Variants in CFAP54 observed in about 807,000 individuals in gnomAD.
The protein encoded by CFAP54 is cilia and flagella associated protein 54.
A neutral mutation model predicts 370.4 loss-of-function variants in CFAP54; 290 were observed. The ratio of observed to expected loss-of-function variants is 0.78; its 90% CI spans 0.71 to 0.86. The LOEUF (loss-of-function observed/expected upper bound fraction) is 0.86. CFAP54 is among the 40% of genes least tolerant of loss of function. The pLI, the probability that CFAP54 is intolerant of heterozygous loss-of-function variation, is 0.00. For synonymous variants in CFAP54, 1,206 were observed against 1,236.5 expected (o/e 0.98, Z 0.52); for missense variants, 3,399 against 3,528.7 (o/e 0.96, Z 0.93).
Position 96,533,875 on chromosome 12 carries a change from T to C in CFAP54, c.1441T>C (p.Ser481Pro), listed in dbSNP as rs1259934483. The change falls in exon 10 of 68, where the codon TCT (serine) becomes CCT (proline). Residue 481 changes from serine to proline, a missense_variant. By Grantham distance (74) the Ser-to-Pro change is moderately conservative. Transcript: ENST00000524981. ...ELMIGRKDVISVDAAVKFIKL... is the reference protein window; with the variant it reads ...ELMIGRKDVIPVDAAVKFIKL... ...TATGATAGGAAGAAAAGATGTTATT[T>C]CTGTGGATGCTGCTGTGAAATTTAT... 1 of 1,535,110 alleles carries C rather than the reference T, an allele frequency of 6.5e-7. No homozygotes were observed. Among genetic ancestry groups the C allele is most frequent in the East Asian group, 2.4e-5 (1 of 40,862 alleles).
chr12:96,634,290 A>G (rs1413446374), intron 32 of CFAP54, among the ~76,000 whole-genome samples: 1 of 151,714 alleles, frequency 6.6e-6, no homozygotes, highest in Non-Finnish European at 1.5e-5. Context: ...TCCTGACCTC[A>G]CGATCTACTT....
At chr12:96,562,836 ACTT>A (rs1430584639) in intron 17 of CFAP54, among the ~76,000 whole-genome samples, 7 of 152,196 alleles carry the variant, frequency 4.6e-5, no homozygotes, top group Admixed American at 2.6e-4. Flanking sequence ...TTCAAAAACT[ACTT>A]CTCCTATGAC....
chr12:96,843,023 G>A (rs962518278), intron 66 of CFAP54, among the ~76,000 whole-genome samples: 5 of 152,170 alleles, frequency 3.3e-5, no homozygotes, highest in African/African-American at 7.2e-5. Flanking sequence ...GCATGAGCAG[G>A]ATTTCTTTCC....
intron 67 of CFAP54, among the ~76,000 whole-genome samples, chr12:96,866,074 A>G (rs1192709278): frequency 6.6e-6 from 1 of 152,082 alleles, no homozygotes; most frequent in Non-Finnish European, 1.5e-5. Flanking sequence ...CATGACTGTT[A>G]TGCAAAATGA....
At chr12:96,715,873 G>T (rs376715602) in intron 48 of CFAP54, among the ~76,000 whole-genome samples, 2 of 151,710 alleles carry the variant, frequency 1.3e-5, no homozygotes, top group East Asian at 1.9e-4. Context: ...CCCTTTTTAT[G>T]TTCCCTTCCT....
chr12:96,736,688 A>G (rs2136634918), intron 50 of CFAP54, among the ~76,000 whole-genome samples: 1 of 152,360 alleles, frequency 6.6e-6, no homozygotes, highest in South Asian at 2.1e-4. Context: ...AAGATAAAGA[A>G]ACAAAGATGG....
At position 96,716,950 on chromosome 12, in the gene CFAP54, T is replaced by C. The variant is rs372557041; in HGVS notation, c.6725-1493T>C. On this transcript the variant is annotated intron_variant, in intron 48 of 67. Transcript: ENST00000524981. ...TCATCCCATTGGGGTTCCTGTTTTGTTGGTATCAGCTATGCAATGGAGAAG... is the reference window on the plus strand; with the variant it reads ...TCATCCCATTGGGGTTCCTGTTTTGCTGGTATCAGCTATGCAATGGAGAAG... Among the ~76,000 whole-genome samples the C allele has an allele frequency of 7.5e-4, 114 of 152,284 alleles. No homozygotes were observed. The South Asian group carries it at 0.022, about 30-fold the overall frequency.
Position 96,540,933 on chromosome 12 carries a change from A to G in CFAP54, c.2023A>G (p.Ser675Gly). Residue 675 changes from serine to glycine, a missense_variant, in exon 14 of 68, where the codon AGT becomes GGT. Physicochemically the swap from Ser to Gly is moderately conservative, Grantham distance 56. This residue lies in a region of CFAP54 where 2,796 missense variants were observed against 2,869.7 expected (regional missense o/e 0.97). Transcript: ENST00000524981. ...AGTGGCAGAAGTCACATTACGGTTA[A>G]GTGAAATATTGGAATCTTTAGGAAG... ...VVVAEVTLRL[S>G]EILESLGSPG... is the part of the protein sequence containing the mutation. The G allele has an allele frequency of 6.6e-7, 1 of 1,520,768 alleles. No individual in the cohort carries two copies. Among genetic ancestry groups the G allele is most frequent in the Admixed American group, 2.1e-5 (1 of 48,232 alleles). The allele number at this position is 1,520,768 out of a possible 1,614,324, so 94.2% of individuals were successfully genotyped here.
intron 63 of CFAP54, among the ~76,000 whole-genome samples, chr12:96,793,831 T>A (rs1958730048): frequency 6.6e-6 from 1 of 152,218 alleles, no homozygotes; most frequent in Non-Finnish European, 1.5e-5. Flanking sequence ...CATTTTTTCA[T>A]GTTTGTTGGC....
intron 60 of CFAP54, among the ~76,000 whole-genome samples, chr12:96,773,698 C>CT (rs140233006): frequency 0.018 from 2,750 of 152,174 alleles, 95 homozygotes; most frequent in African/African-American, 0.063. Context: ...ACATAAGCAG[C>CT]TTTTTTATGG....
chr12:96,644,792 A>G (rs1172251843), intron 33 of CFAP54, among the ~76,000 whole-genome samples: 4 of 152,196 alleles, frequency 2.6e-5, no homozygotes, highest in Admixed American at 2.0e-4. Flanking sequence ...AACTGCCCCC[A>G]TGATTCAGTT....
intron 4 of CFAP54, among the ~76,000 whole-genome samples, chr12:96,512,409 CT>C (rs1235007510): frequency 7.6e-6 from 1 of 131,046 alleles, no homozygotes; most frequent in Admixed American, 7.9e-5. Flanking sequence ...GTGGCATGAT[CT>C]CGGCTCACTG....
At chr12:96,774,149 TA>T (rs947492960) in intron 60 of CFAP54, among the ~76,000 whole-genome samples, 2 of 151,646 alleles carry the variant, frequency 1.3e-5, no homozygotes, top group African/African-American at 4.8e-5. Flanking sequence ...CTTTCCCGAT[TA>T]AAAAAAAATT....
chr12:96,860,914 C>T lies in CFAP54; in HGVS notation c.9267C>T (p.Asn3089=). 6.5e-7 allele frequency: 1 copy of T among 1,534,828 alleles called. No individual in the cohort carries two copies. The highest frequency in any genetic ancestry group is 8.7e-7 in the Non-Finnish European group (1 of 1,146,142). ...GCILSGGSLF[N]WIVSIIP ...TTTTATCAGGAGGAAGCCTTTTCAA[C>T]TGGATAGTGTCAATTATTCCCTGAA... Residue 3089 remains asparagine, a synonymous_variant, in exon 67 of 68, where the codon AAC becomes AAT. Transcript: ENST00000524981.
intron 58 of CFAP54, among the ~76,000 whole-genome samples, chr12:96,762,582 CT>C (rs1565969193): frequency 6.6e-6 from 1 of 152,160 alleles, no homozygotes; most frequent in Non-Finnish European, 1.5e-5. Flanking sequence ...GAGTTGACTT[CT>C]TTTTTCTTTG....
At chr12:96,525,762 C>T in intron 8 of CFAP54, among the ~76,000 whole-genome samples, 1 of 152,196 alleles carries the variant, frequency 6.6e-6, no homozygotes, top group African/African-American at 2.4e-5. Flanking sequence ...ATGATCTTGG[C>T]TCACTGCAAC....
chr12:96,657,496 C>T (rs1037852091), intron 36 of CFAP54, among the ~76,000 whole-genome samples: 20 of 152,244 alleles, frequency 1.3e-4, no homozygotes, highest in South Asian at 2.1e-4. Context: ...ATACCAAGAA[C>T]GATAGACAGT....
intron 60 of CFAP54, among the ~76,000 whole-genome samples, chr12:96,783,174 T>C (rs577117909): frequency 9.2e-5 from 14 of 152,184 alleles, no homozygotes; most frequent in African/African-American, 3.1e-4. Flanking sequence ...GTTTAAAGAG[T>C]GAAGGACAGA....
In CFAP54 at chr12:96,664,789, A is replaced by ATC. The variant is rs1565934561; in HGVS notation, c.5563+858_5563+859insCT. Among the ~76,000 whole-genome samples, 107 of 17,328 alleles carry ATC rather than the reference A, an allele frequency of 6.2e-3. 1 individual carries two copies. Among genetic ancestry groups the ATC allele is most frequent in the South Asian group, 0.013 (7 of 524 alleles). 11.4% of individuals were successfully genotyped at this position (17,328 alleles called of 152,430 possible). On this transcript the variant is annotated intron_variant, in intron 39 of 67. Coordinates refer to ENST00000524981, the MANE Select transcript of CFAP54 (RefSeq NM_001306084.2). Reference sequence around the variant, plus strand: ...TCTATATCTATATCTATATATATATATATATATATATATATATATATATAG... The same window carrying ATC: ...TCTATATCTATATCTATATATATATATCTATATATATATATATATATATATAG...
Sources: allele counts gnomAD v4.1 joint callset (sites outside exome capture counted in the v4.1 genomes callset), GRCh38; gene constraint gnomAD v4.1.1; regional missense constraint gnomAD v4.1.1; transcripts MANE v1.5; gene names NCBI Gene and HGNC (gene_info 2026-07-23, HGNC 2026-07-21).